Variants in COL22A1 observed in about 807,000 individuals in gnomAD.
The protein encoded by COL22A1 is collagen type XXII alpha 1 chain, also known as collagen alpha-1(XXII) chain.
A neutral mutation model predicts 248.9 loss-of-function variants in COL22A1; 221 were observed. The ratio of observed to expected loss-of-function variants is 0.89; its 90% CI spans 0.80 to 0.99. The LOEUF (loss-of-function observed/expected upper bound fraction) is 0.99. Ranked by LOEUF, COL22A1 falls within the 50% of genes least tolerant of loss-of-function variation. The pLI is 0.00. For synonymous variants in COL22A1, 891 were observed against 793.4 expected (o/e 1.12, Z -2.07); for missense variants, 2,240 against 2,179.0 (o/e 1.03, Z -0.56).
chr8:138,724,632 CA>C lies in COL22A1; in HGVS notation c.2229del (p.Gly744AspfsTer71), dbSNP rs1586577137. 13 of 1,614,180 alleles carry C rather than the reference CA, an allele frequency of 8.1e-6. No individual in the cohort carries two copies. The highest frequency in any genetic ancestry group is 1.1e-5 in the Non-Finnish European group (13 of 1,180,010). On this transcript the variant is annotated frameshift_variant, in exon 25 of 65. Coordinates refer to ENST00000303045, the MANE Select transcript of COL22A1 (RefSeq NM_152888.3). LOFTEE classifies it high-confidence loss of function. ...LPGEIGFPGK[P>X]GPPGPTGPPG... The stretch of plus-strand genomic sequence containing the variant: ...ACACTCACCGTGGGCCCAGGAGGTC[CA>C]GGCTTTCCCGGGAAGCCGATCTCTC...
intron 3 of COL22A1, among the ~76,000 whole-genome samples, chr8:138,850,770 C>G (rs533245650): frequency 6.6e-6 from 1 of 152,186 alleles, no homozygotes; most frequent in Non-Finnish European, 1.5e-5. Context: ...GTCAGTTGCC[C>G]CCTGTGTGTC....
chr8:138,607,874 G>A, intron 57 of COL22A1, 62 bp downstream of exon 57: 1 of 1,458,640 alleles, frequency 6.9e-7, no homozygotes, highest in Middle Eastern at 1.8e-4. Context: ...TCTGTAATGT[G>A]ATCCACAAGC....
rs527860175 is a variant in COL22A1, at chr8:138,903,577, G to A, written c.-73+10042C>T. Among the ~76,000 whole-genome samples, 6 of 152,186 alleles carry A rather than the reference G, an allele frequency of 3.9e-5. No individual in the cohort carries two copies. The South Asian group carries it at 1.2e-3, about 32-fold the overall frequency. ...GGCCCCCAGATGGCTTTCACCTGGC[G>A]CCCTGCTTGGCTCCTGACACCAGTG... On this transcript the variant is annotated intron_variant, in intron 1 of 64. Coordinates refer to ENST00000303045, the MANE Select transcript of COL22A1 (RefSeq NM_152888.3).
intron 11 of COL22A1, among the ~76,000 whole-genome samples, chr8:138,798,115 C>T (rs991782042): frequency 6.8e-6 from 1 of 146,796 alleles, no homozygotes; most frequent in African/African-American, 2.5e-5. Flanking sequence ...ACAAAAGATA[C>T]AACCTATTTG....
chr8:138,886,288 G>C lies in COL22A1; in HGVS notation c.-72-3044C>G, dbSNP rs545872980. Among the ~76,000 whole-genome samples the C allele has an allele frequency of 2.0e-5, 3 of 152,296 alleles. No homozygotes were observed. The East Asian group carries it at 5.8e-4, about 29-fold the overall frequency. ...CAGGGCCTCTCTCCCCCGTGGCCTA[G>C]TGAGGAGGGTCTTTGAAAGCAGTGA... On this transcript the variant is annotated intron_variant, in intron 1 of 64. Transcript: ENST00000303045.
rs980617159 is a variant in COL22A1 at position 138,883,219 on chromosome 8, G to T, written c.-47C>A. ...AGGCTTCTCTTGGCCAGGAAGAGACGCTGTTAGGGTCTACAGCAGCATGGC... is the reference window on the plus strand; with the variant it reads ...AGGCTTCTCTTGGCCAGGAAGAGACTCTGTTAGGGTCTACAGCAGCATGGC... On this transcript the variant is annotated 5_prime_UTR_variant, in exon 2 of 65. Transcript: ENST00000303045. 6.6e-7 allele frequency: 1 copy of T among 1,505,286 alleles called. No individual in the cohort carries two copies. The highest frequency in any genetic ancestry group is 2.0e-5 in the Admixed American group (1 of 51,032). The allele number at this position is 1,505,286 out of a possible 1,614,324, so 93.2% of individuals were successfully genotyped here.
At chr8:138,882,703 A>C (rs1824324793) in intron 2 of COL22A1, among the ~76,000 whole-genome samples, 1 of 132,058 alleles carries the variant, frequency 7.6e-6, no homozygotes, top group Non-Finnish European at 1.6e-5. Flanking sequence ...CACTTTGTCA[A>C]ACACACACTC....
At chr8:138,896,446 G>T (rs1205759798) in intron 1 of COL22A1, among the ~76,000 whole-genome samples, 1 of 152,046 alleles carries the variant, frequency 6.6e-6, no homozygotes. Flanking sequence ...TATATGCATT[G>T]CAGTACCTAG....
intron 1 of COL22A1, among the ~76,000 whole-genome samples, chr8:138,897,187 G>A (rs1825479802): frequency 1.3e-5 from 2 of 152,066 alleles, no homozygotes; most frequent in Admixed American, 6.6e-5. Context: ...ATCCAGGCCT[G>A]GAGAAGGAAG....
chr8:138,616,123 C>G, intron 54 of COL22A1, 69 bp from the exon 55 acceptor site: 1 of 1,283,338 alleles, frequency 7.8e-7, no homozygotes, highest in Non-Finnish European at 1.1e-6. Flanking sequence ...ACCACAGGGG[C>G]ACCTGAGGAG....
intron 6 of COL22A1, among the ~76,000 whole-genome samples, chr8:138,823,495 T>C (rs1819333271): frequency 6.6e-6 from 1 of 152,152 alleles, no homozygotes; most frequent in Non-Finnish European, 1.5e-5. Flanking sequence ...AACCTCAACC[T>C]CCCAGGTTCA....
chr8:138,723,223 C>T (rs949481518), intron 25 of COL22A1, among the ~76,000 whole-genome samples: 1 of 152,150 alleles, frequency 6.6e-6, no homozygotes, highest in Non-Finnish European at 1.5e-5. Context: ...CTTCCACCCA[C>T]AGAACCTGCT....
At chr8:138,695,811 C>A (rs543627556) in intron 32 of COL22A1, among the ~76,000 whole-genome samples, 1 of 151,954 alleles carries the variant, frequency 6.6e-6, no homozygotes, top group Admixed American at 6.6e-5. Flanking sequence ...AGAAGATGAG[C>A]AGATGGGGGA....
At chr8:138,614,472 A>G (rs936832724) in intron 55 of COL22A1, among the ~76,000 whole-genome samples, 1 of 152,224 alleles carries the variant, frequency 6.6e-6, no homozygotes. Context: ...AGACTGAAAA[A>G]CACTCTAGAA....
intron 1 of COL22A1, among the ~76,000 whole-genome samples, chr8:138,912,050 A>T (rs1815486780): frequency 6.6e-6 from 1 of 152,154 alleles, no homozygotes; most frequent in South Asian, 2.1e-4. Context: ...AACAGAAGCA[A>T]ACTAAGATAT....
At chr8:138,867,764 T>G (rs144857257) in intron 3 of COL22A1, among the ~76,000 whole-genome samples, 1 of 152,314 alleles carries the variant, frequency 6.6e-6, no homozygotes, top group East Asian at 1.9e-4. Flanking sequence ...TATTTATTTA[T>G]TGTTTGTTTA....
chr8:138,913,326 T>C (rs1815591299), intron 1 of COL22A1, among the ~76,000 whole-genome samples: 1 of 152,186 alleles, frequency 6.6e-6, no homozygotes, highest in Non-Finnish European at 1.5e-5. Context: ...CGGCCATCGC[T>C]GAGCTCCTCG....
chr8:138,743,367 T>C (rs1181328906), intron 22 of COL22A1, among the ~76,000 whole-genome samples: 1 of 151,866 alleles, frequency 6.6e-6, no homozygotes, highest in African/African-American at 2.4e-5. Context: ...GTGATGGTGA[T>C]GGTAGAGTTG....
chr8:138,812,702 A>G (rs1818344572), intron 8 of COL22A1, among the ~76,000 whole-genome samples: 1 of 152,092 alleles, frequency 6.6e-6, no homozygotes, highest in Admixed American at 6.5e-5. Flanking sequence ...GCAAGGCTTC[A>G]TCACTCAGCT....
Sources: gnomAD v4.1 joint callset for allele counts (sites outside exome capture counted in the v4.1 genomes callset) on GRCh38, gnomAD v4.1.1 for gene constraint, MANE v1.5 for transcripts, NCBI Gene and HGNC (gene_info 2026-07-23, HGNC 2026-07-21) for gene names.